Variants in MAGI3 observed in about 807,000 individuals in gnomAD.
MAGI3 encodes membrane associated guanylate kinase, WW and PDZ domain containing 3.
Under a neutral mutation model 121.8 loss-of-function variants are expected in MAGI3, and 43 were observed. The ratio of observed to expected loss-of-function variants is 0.35; its 90% CI spans 0.28 to 0.46. The LOEUF is 0.46. MAGI3 is among the 20% of genes least tolerant of loss of function. The pLI is 1.00. For synonymous variants in MAGI3, 553 were observed against 639.3 expected (o/e 0.86, Z 2.04); for missense variants, 1,547 against 1,797.3 (o/e 0.86, Z 2.52).
intron 1 of MAGI3, among the ~76,000 whole-genome samples, chr1:113,462,211 G>A (rs549244478): frequency 2.0e-5 from 3 of 152,252 alleles, no homozygotes; most frequent in Admixed American, 6.5e-5. Context: ...CCATTACTGG[G>A]TATATACCCA....
At chr1:113,489,182 C>G (rs1656554910) in intron 1 of MAGI3, among the ~76,000 whole-genome samples, 1 of 151,794 alleles carries the variant, frequency 6.6e-6, no homozygotes, top group African/African-American at 2.4e-5. Flanking sequence ...CCCCCCGACC[C>G]CAGCACAGTG....
chr1:113,456,820 A>G (rs1466773861), intron 1 of MAGI3, among the ~76,000 whole-genome samples: 1 of 152,048 alleles, frequency 6.6e-6, no homozygotes, highest in Non-Finnish European at 1.5e-5. Context: ...TTCTATGAAA[A>G]TAGGATAAAA....
Position 113,641,965 on chromosome 1 carries a change from ATGT to A in MAGI3, c.1419_1421del (p.Val474del), listed in dbSNP as rs1557869812. On this transcript the variant is annotated inframe_deletion, in exon 10 of 21. Coordinates refer to ENST00000307546, the MANE Select transcript of MAGI3 (RefSeq NM_001142782.2). The stretch of plus-strand genomic sequence containing the variant: ...TGTGTCCTCGGTCACACTCATGCAG[ATGT>A]TGTCCAGATGTTTCAATTGGTACCT... 1 of 1,612,020 alleles carries A rather than the reference ATGT, an allele frequency of 6.2e-7. No individual in the cohort carries two copies. The highest frequency in any genetic ancestry group is 1.7e-5 in the Admixed American group (1 of 59,992).
chr1:113,476,377 C>G (rs946507467), intron 1 of MAGI3, among the ~76,000 whole-genome samples: 1 of 152,200 alleles, frequency 6.6e-6, no homozygotes, highest in Non-Finnish European at 1.5e-5. Context: ...AAATTTCCCT[C>G]TACACACTGC....
chr1:113,491,911 C>T (rs1157745903), intron 1 of MAGI3, among the ~76,000 whole-genome samples: 1 of 152,086 alleles, frequency 6.6e-6, no homozygotes, highest in Non-Finnish European at 1.5e-5. Flanking sequence ...CAGGACTAGA[C>T]AGATTCACAG....
At chr1:113,654,216 T>C (rs987752138) in intron 15 of MAGI3, among the ~76,000 whole-genome samples, 198 bp downstream of exon 15, 1 of 152,252 alleles carries the variant, frequency 6.6e-6, no homozygotes, top group Non-Finnish European at 1.5e-5. Flanking sequence ...ATCTATTATC[T>C]CACATTCTAT....
chr1:113,553,990 A>G (rs552919198), intron 2 of MAGI3, among the ~76,000 whole-genome samples: 1 of 152,358 alleles, frequency 6.6e-6, no homozygotes, highest in Admixed American at 6.5e-5. Context: ...GCCTGGTGAC[A>G]GAGCGAGACT....
At chr1:113,478,158 T>C (rs1388148938) in intron 1 of MAGI3, among the ~76,000 whole-genome samples, 2 of 152,226 alleles carry the variant, frequency 1.3e-5, no homozygotes, top group African/African-American at 4.8e-5. Flanking sequence ...TTAGCTTCCT[T>C]GTGATGGGTT....
rs34782120 is a variant in MAGI3, at chr1:113,679,709, AT to A, written c.3190-1474del. 8.8e-3 allele frequency among the ~76,000 whole-genome samples: 1,274 copies of A among 144,448 alleles called. 28 individuals carry two copies. Among genetic ancestry groups the A allele is most frequent in the African/African-American group, 0.026 (1,014 of 39,140 alleles). 94.8% of individuals were successfully genotyped at this position (144,448 alleles called of 152,430 possible). ...TTTATGTTTATTTTCCTGAAAAATG[AT>A]TTTTTTTTTTTTTTGAGACGGAGTT... On this transcript the variant is annotated intron_variant, in intron 19 of 20. Coordinates refer to ENST00000307546, the MANE Select transcript of MAGI3 (RefSeq NM_001142782.2).
intron 2 of MAGI3, among the ~76,000 whole-genome samples, chr1:113,555,395 A>C (rs1331730547): frequency 1.3e-5 from 2 of 152,242 alleles, no homozygotes; most frequent in East Asian, 3.8e-4. Context: ...CCCTTTTAGT[A>C]ATTAATTTTA....
At chr1:113,595,828 C>T (rs1474683973) in intron 6 of MAGI3, among the ~76,000 whole-genome samples, 1 of 152,082 alleles carries the variant, frequency 6.6e-6, no homozygotes, top group African/African-American at 2.4e-5. Flanking sequence ...CCCAGGAGTT[C>T]AAGAACAGCC....
intron 1 of MAGI3, among the ~76,000 whole-genome samples, chr1:113,509,077 T>C (rs1657482939): frequency 6.6e-6 from 1 of 152,190 alleles, no homozygotes; most frequent in Admixed American, 6.5e-5. Flanking sequence ...GTTAATATTG[T>C]TTGCATATTT....
chr1:113,488,957 G>A lies in MAGI3; in HGVS notation c.317-60558G>A, dbSNP rs576243368. Reference sequence around the variant, plus strand: ...ACAGTCACCAGCAGGGGCCCCCTGCGCCCTGCTCCAGCTGCATTCCCTTCA... The same window carrying A: ...ACAGTCACCAGCAGGGGCCCCCTGCACCCTGCTCCAGCTGCATTCCCTTCA... On this transcript the variant is annotated intron_variant, in intron 1 of 20. Coordinates refer to ENST00000307546, the MANE Select transcript of MAGI3 (RefSeq NM_001142782.2). Among the ~76,000 whole-genome samples the A allele has an allele frequency of 1.1e-4, 16 of 152,108 alleles. No individual in the cohort carries two copies. The East Asian group carries it at 2.7e-3, about 26-fold the overall frequency.
intron 1 of MAGI3, among the ~76,000 whole-genome samples, chr1:113,528,598 G>A (rs994188335): frequency 3.3e-5 from 5 of 152,030 alleles, no homozygotes; most frequent in Non-Finnish European, 7.4e-5. Flanking sequence ...GCAGGAAATT[G>A]GTGGGAATAA....
intron 1 of MAGI3, among the ~76,000 whole-genome samples, chr1:113,519,565 A>C (rs981421093): frequency 1.4e-4 from 22 of 152,198 alleles, no homozygotes; most frequent in Non-Finnish European, 2.8e-4. Context: ...GGCTCAGTGC[A>C]TAGTCCTACT....
chr1:113,649,004 G>C (rs757885468), intron 12 of MAGI3, among the ~76,000 whole-genome samples: 3 of 152,180 alleles, frequency 2.0e-5, no homozygotes, highest in Non-Finnish European at 4.4e-5. Context: ...ATATGGAAGT[G>C]AGAGTAAATG....
chr1:113,598,680 A>G (rs1245417686), intron 6 of MAGI3, among the ~76,000 whole-genome samples: 1 of 152,146 alleles, frequency 6.6e-6, no homozygotes, highest in South Asian at 2.1e-4. Flanking sequence ...GATTCATGAA[A>G]CAATTACTAT....
rs1416571008 is a variant in MAGI3, at chr1:113,529,491, A to G, written c.317-20024A>G. On this transcript the variant is annotated intron_variant, in intron 1 of 20. Coordinates refer to ENST00000307546, the MANE Select transcript of MAGI3 (RefSeq NM_001142782.2). ...TCCCATTGATGCAGGCTCTGTCCTC[A>G]TGATCTAATCACCTATCAAAGGCCC... Among the ~76,000 whole-genome samples the G allele has an allele frequency of 2.0e-5, 3 of 152,178 alleles. No homozygotes were observed. The East Asian group carries it at 5.8e-4, about 29-fold the overall frequency.
At chr1:113,669,370 C>A (rs1008640347) in intron 16 of MAGI3, among the ~76,000 whole-genome samples, 2 of 152,136 alleles carry the variant, frequency 1.3e-5, no homozygotes, top group Non-Finnish European at 2.9e-5. Context: ...AGCTCTGACA[C>A]AATGTGGGAA....
Sources: allele counts gnomAD v4.1 joint callset (sites outside exome capture counted in the v4.1 genomes callset), GRCh38; gene constraint gnomAD v4.1.1; transcripts MANE v1.5; gene names NCBI Gene and HGNC (gene_info 2026-07-23, HGNC 2026-07-21).